Variants in CTNNA3 observed in about 807,000 individuals in gnomAD.
The protein encoded by CTNNA3 is catenin alpha 3.
CTNNA3 carries 76 observed loss-of-function variants against 95.7 expected under a neutral mutation model. The observed-to-expected ratio is 0.79, with a 90% CI of 0.66 to 0.96. The LOEUF is 0.96. Among genes scored for constraint, CTNNA3 ranks in the 40% least tolerant of loss-of-function variants. The pLI, the probability that CTNNA3 is intolerant of heterozygous loss-of-function variation, is 0.00. For synonymous variants in CTNNA3, 431 were observed against 374.4 expected (o/e 1.15, Z -1.74); for missense variants, 1,191 against 1,089.8 (o/e 1.09, Z -1.31).
chr10:67,311,960 AAC>A lies in CTNNA3; in HGVS notation c.580-92092_580-92091del, dbSNP rs141883483. ...AACTTTTTAGTCACACACACACACAAACACACACACACGCACACGTACCACCT... is the reference window on the plus strand; with the variant it reads ...AACTTTTTAGTCACACACACACACAAACACACACACGCACACGTACCACCT... On this transcript the variant is annotated intron_variant, in intron 5 of 17. Transcript: ENST00000433211. Among the ~76,000 whole-genome samples, 382 of 151,570 alleles carry A rather than the reference AAC, an allele frequency of 2.5e-3. 2 individuals are homozygous for A. The highest frequency in any genetic ancestry group is 8.9e-3 in the African/African-American group (369 of 41,324).
intron 1 of CTNNA3, among the ~76,000 whole-genome samples, chr10:67,653,340 G>A (rs372152877): frequency 9.2e-5 from 14 of 152,050 alleles, no homozygotes; most frequent in African/African-American, 3.4e-4. Context: ...TCCAACACTG[G>A]GAATCACAAT....
At chr10:66,090,640 T>TTA (rs2081178923) in intron 14 of CTNNA3, among the ~76,000 whole-genome samples, 1 of 152,016 alleles carries the variant, frequency 6.6e-6, no homozygotes, top group South Asian at 2.1e-4. Context: ...TAAAATGGTC[T>TTA]TAGCATCAGA....
rs2092818160 is a variant in CTNNA3 at position 66,379,265 on chromosome 10, A to G, written c.1619T>C (p.Ile540Thr). ...ADNLDRAAGAIRGRAARVAHI... is the reference protein window; with the variant it reads ...ADNLDRAAGATRGRAARVAHI... ...AGCAACTCTTGCTGCCCGGCCTCTG[A>G]TAGCACCCGCAGCACGGTCTAAATT... is the stretch of plus-strand genomic sequence containing the variant. Residue 540 changes from isoleucine (I) to threonine (T), a missense_variant, in exon 12 of 18, where the codon ATC becomes ACC. Coordinates refer to ENST00000433211, the MANE Select transcript of CTNNA3 (RefSeq NM_013266.4). 1.2e-6 allele frequency: 2 copies of G among 1,614,012 alleles called. No homozygotes were observed. The highest frequency in any genetic ancestry group is 2.2e-5 in the South Asian group (2 of 91,092).
At chr10:67,658,635 C>T (rs185729736) in intron 1 of CTNNA3, among the ~76,000 whole-genome samples, 1 of 152,116 alleles carries the variant, frequency 6.6e-6, no homozygotes, top group Non-Finnish European at 1.5e-5. Context: ...AAACACATTC[C>T]TAATGCACAA....
At chr10:67,690,204 C>T (rs1047819562) in intron 1 of CTNNA3, among the ~76,000 whole-genome samples, 3 of 152,166 alleles carry the variant, frequency 2.0e-5, no homozygotes, top group East Asian at 1.9e-4. Flanking sequence ...AAAGGCAGCA[C>T]GTCTGGAGTT....
intron 5 of CTNNA3, among the ~76,000 whole-genome samples, chr10:67,249,569 T>C (rs190374391): frequency 0.013 from 1,365 of 103,138 alleles, 13 homozygotes; most frequent in African/African-American, 0.062. Context: ...CTTTCTACCG[T>C]ATGTATTACC....
chr10:66,791,047 A>G (rs1840947430), intron 7 of CTNNA3, among the ~76,000 whole-genome samples: 1 of 152,112 alleles, frequency 6.6e-6, no homozygotes, highest in African/African-American at 2.4e-5. Flanking sequence ...TTACCCTCCC[A>G]GTGTTCAAGT....
chr10:67,375,289 G>T (rs1189640763), intron 5 of CTNNA3, among the ~76,000 whole-genome samples: 1 of 152,124 alleles, frequency 6.6e-6, no homozygotes, highest in African/African-American at 2.4e-5. Flanking sequence ...ATCACAATGA[G>T]TCAAGGTCAG....
intron 8 of CTNNA3, among the ~76,000 whole-genome samples, chr10:66,772,451 GAGA>G (rs1390066739): frequency 1.3e-5 from 2 of 151,154 alleles, no homozygotes; most frequent in East Asian, 3.9e-4. Flanking sequence ...AAGAGAGAGA[GAGA>G]AAAGAAAACA....
intron 7 of CTNNA3, among the ~76,000 whole-genome samples, chr10:66,836,845 C>T (rs1225337250): frequency 6.6e-6 from 1 of 152,096 alleles, no homozygotes; most frequent in African/African-American, 2.4e-5. Context: ...TCTGTAAAAA[C>T]TTCTGTGTTG....
At chr10:65,962,984 C>G (rs895096073) in intron 17 of CTNNA3, among the ~76,000 whole-genome samples, 1 of 152,116 alleles carries the variant, frequency 6.6e-6, no homozygotes, top group Admixed American at 6.5e-5. Flanking sequence ...GGTTCCAAGT[C>G]TTTGCTATTG....
At chr10:67,218,100 C>T (rs1385660092) in intron 6 of CTNNA3, among the ~76,000 whole-genome samples, 1 of 152,002 alleles carries the variant, frequency 6.6e-6, no homozygotes, top group Non-Finnish European at 1.5e-5. Flanking sequence ...GCAAATATTC[C>T]AAAATCCAAA....
chr10:66,928,388 G>T (rs1329594534), intron 7 of CTNNA3: 1 of 1,614,152 alleles, frequency 6.2e-7, no homozygotes, highest in Non-Finnish European at 8.5e-7. Context: ...ACGGAGACCA[G>T]CGAGATGCTG....
chr10:66,097,259 A>G (rs1443542800), intron 14 of CTNNA3, among the ~76,000 whole-genome samples: 1 of 152,186 alleles, frequency 6.6e-6, no homozygotes, highest in Non-Finnish European at 1.5e-5. Context: ...AAGTAGTCCC[A>G]TATCAGGAGT....
At chr10:66,114,704 C>A (rs1353055394) in intron 13 of CTNNA3, among the ~76,000 whole-genome samples, 9 of 151,504 alleles carry the variant, frequency 5.9e-5, no homozygotes. Context: ...CATGGTGAAA[C>A]CCCGTCTCTA....
intron 7 of CTNNA3, among the ~76,000 whole-genome samples, chr10:67,162,280 C>T (rs780711510): frequency 7.9e-5 from 12 of 151,862 alleles, no homozygotes; most frequent in African/African-American, 1.2e-4. Context: ...CTCAAGACCA[C>T]GAGTGGGACA....
intron 11 of CTNNA3, among the ~76,000 whole-genome samples, chr10:66,519,869 A>G (rs1840995866): frequency 1.3e-5 from 2 of 152,174 alleles, no homozygotes; most frequent in Admixed American, 1.3e-4. Flanking sequence ...AAATTGACTG[A>G]GATCTGTCTC....
At chr10:66,675,923 C>A (rs1426302625) in intron 9 of CTNNA3, among the ~76,000 whole-genome samples, 1 of 152,044 alleles carries the variant, frequency 6.6e-6, no homozygotes, top group African/African-American at 2.4e-5. Flanking sequence ...TCTGGAAACA[C>A]AGAAGTTGCA....
chr10:67,234,748 G>T (rs1467248036), intron 5 of CTNNA3, among the ~76,000 whole-genome samples: 4 of 152,196 alleles, frequency 2.6e-5, no homozygotes, highest in Admixed American at 6.5e-5. Flanking sequence ...TGACATGATT[G>T]TATATCTAGA....
Sources: allele counts gnomAD v4.1 joint callset (sites outside exome capture counted in the v4.1 genomes callset), GRCh38; gene constraint gnomAD v4.1.1; transcripts MANE v1.5; gene names NCBI Gene and HGNC (gene_info 2026-07-23, HGNC 2026-07-21).